Variants in LZTS1 observed in about 807,000 individuals in gnomAD.
LZTS1 encodes the protein leucine zipper putative tumor suppressor 1.
In LZTS1, 31 loss-of-function variants were observed where a neutral mutation model predicts 45.8. That is an observed-to-expected ratio of 0.68 (90% CI 0.51 to 0.91). LZTS1 has a LOEUF of 0.91. LZTS1 is among the 40% of genes least tolerant of loss of function. The pLI is 0.00. For missense variants in LZTS1, 821 were observed against 788.9 expected (o/e 1.04, Z -0.49); for synonymous variants, 359 against 357.3 (o/e 1.00, Z -0.05).
In LZTS1 at chr8:20,253,141, G is replaced by A; in HGVS notation, c.790C>T (p.Gln264Ter). The A allele has an allele frequency of 6.2e-7, 1 of 1,613,056 alleles. No homozygotes were observed. The highest frequency in any genetic ancestry group is 8.5e-7 in the Non-Finnish European group (1 of 1,179,896). The stretch of plus-strand genomic sequence containing the variant: ...TCCAACAGCTTCTGCTCCAGCTCCT[G>A]GATGCTGCACTCGTCCGTGGAGATG... ...SPISTDECSI[Q>*]ELEQKLLERE... The change falls in exon 3 of 4, where the codon CAG (glutamine) becomes TAG (stop). Residue 264 changes from glutamine to a stop codon, truncating the protein, a stop_gained. Coordinates refer to ENST00000381569, the MANE Select transcript of LZTS1 (RefSeq NM_021020.5). LOFTEE classifies it high-confidence loss of function.
At chr8:20,300,745 G>C (rs1399024027) in intron 1 of LZTS1, among the ~76,000 whole-genome samples, 1 of 152,116 alleles carries the variant, frequency 6.6e-6, no homozygotes, top group African/African-American at 2.4e-5. Context: ...ATGATGGTAG[G>C]GACTCTGAGG....
intron 1 of LZTS1, among the ~76,000 whole-genome samples, chr8:20,301,506 C>G (rs1483328955): frequency 1.3e-5 from 2 of 152,162 alleles, no homozygotes; most frequent in Non-Finnish European, 2.9e-5. Flanking sequence ...CATTATTCAT[C>G]TTCCTAGCCT....
chr8:20,273,290 G>T (rs1159496518), intron 1 of LZTS1, among the ~76,000 whole-genome samples: 2 of 152,006 alleles, frequency 1.3e-5, no homozygotes, highest in Admixed American at 6.6e-5. Flanking sequence ...TCTAAATGTG[G>T]ATGCTTTTCA....
At chr8:20,296,676 A>G (rs1800983993) in intron 1 of LZTS1, among the ~76,000 whole-genome samples, 1 of 152,182 alleles carries the variant, frequency 6.6e-6, no homozygotes, top group African/African-American at 2.4e-5. Flanking sequence ...GAGTGGATGA[A>G]TGAAATGGAT....
chr8:20,287,101 C>T (rs983648831), intron 1 of LZTS1, among the ~76,000 whole-genome samples: 1 of 152,220 alleles, frequency 6.6e-6, no homozygotes, highest in Non-Finnish European at 1.5e-5. Context: ...AAAAGATTAT[C>T]ACAATAATCC....
chr8:20,280,973 C>T (rs934554651), intron 1 of LZTS1, among the ~76,000 whole-genome samples: 53 of 152,236 alleles, frequency 3.5e-4, no homozygotes, highest in African/African-American at 1.2e-3. Flanking sequence ...GTTCGCTTAT[C>T]TGTTCTTTCA....
intron 1 of LZTS1, among the ~76,000 whole-genome samples, chr8:20,283,312 T>C (rs900010305): frequency 6.6e-6 from 1 of 152,120 alleles, no homozygotes; most frequent in Non-Finnish European, 1.5e-5. Flanking sequence ...CCCTCATAAA[T>C]GGGATGAGTG....
At chr8:20,294,665 T>G (rs1464002370) in intron 1 of LZTS1, among the ~76,000 whole-genome samples, 1 of 152,080 alleles carries the variant, frequency 6.6e-6, no homozygotes, top group Non-Finnish European at 1.5e-5. Context: ...CCTCCTCCCC[T>G]TGCACTGTGG....
At chr8:20,297,479 A>T (rs2128899768) in intron 1 of LZTS1, among the ~76,000 whole-genome samples, 1 of 152,260 alleles carries the variant, frequency 6.6e-6, no homozygotes, top group Non-Finnish European at 1.5e-5. Context: ...CAGTGGTGCG[A>T]TCTCAGCTCA....
At chr8:20,303,667 G>A in intron 1 of LZTS1, 73 bp downstream of exon 1, 1 of 983,262 alleles carries the variant, frequency 1.0e-6, no homozygotes, top group Non-Finnish European at 1.2e-6. Context: ...GCCCGGCGAG[G>A]GGAAAGCGGT....
rs1484769401 is a variant in LZTS1 at position 20,291,670 on chromosome 8, C to A, written c.-135+12070G>T. 6.0e-5 allele frequency among the ~76,000 whole-genome samples: 9 copies of A among 150,962 alleles called. No homozygotes were observed. The South Asian group carries it at 6.3e-4, about 11-fold the overall frequency. ...AAGTAAAGATTGCCTTGCTGAGAGACCTTTTGTCTCCATGCTGACTTTTCT... is the reference window on the plus strand; with the variant it reads ...AAGTAAAGATTGCCTTGCTGAGAGAACTTTTGTCTCCATGCTGACTTTTCT... On this transcript the variant is annotated intron_variant, in intron 1 of 3. Coordinates refer to ENST00000381569, the MANE Select transcript of LZTS1 (RefSeq NM_021020.5).
chr8:20,288,987 G>GTTTTT lies in LZTS1; in HGVS notation c.-135+14748_-135+14752dup, dbSNP rs59572169. Among the ~76,000 whole-genome samples, 698 of 119,634 alleles carry GTTTTT rather than the reference G, an allele frequency of 5.8e-3. 36 individuals are homozygous for GTTTTT. The highest frequency in any genetic ancestry group is 0.022 in the East Asian group (79 of 3,666). The allele number at this position is 119,634 out of a possible 152,430, so 78.5% of individuals were successfully genotyped here. A position where few individuals can be genotyped will look rare whatever the true frequency, so the allele number is the denominator to read the frequency against. ...ATTAAGAGCTTAAAAATAGCAGCTG[G>GTTTTT]TTTTTTTTTTTTTTTTTTTTAGACA... On this transcript the variant is annotated intron_variant, in intron 1 of 3. Transcript: ENST00000381569.
chr8:20,261,631 T>C (rs1288877669), intron 1 of LZTS1, among the ~76,000 whole-genome samples: 1 of 152,224 alleles, frequency 6.6e-6, no homozygotes, highest in African/African-American at 2.4e-5. Flanking sequence ...CTTTCTGGAA[T>C]GTGGAGAGAG....
chr8:20,273,461 C>T (rs1025220833), intron 1 of LZTS1, among the ~76,000 whole-genome samples: 1 of 152,174 alleles, frequency 6.6e-6, no homozygotes, highest in African/African-American at 2.4e-5. Context: ...ATCTCACCCT[C>T]GCACATCCAC....
intron 1 of LZTS1, among the ~76,000 whole-genome samples, chr8:20,295,525 G>A (rs937991766): frequency 1.3e-5 from 2 of 152,190 alleles, no homozygotes; most frequent in Non-Finnish European, 2.9e-5. Flanking sequence ...TCTGCCATTT[G>A]GGACCGAGCC....
At chr8:20,281,640 A>G (rs1800695887) in intron 1 of LZTS1, among the ~76,000 whole-genome samples, 1 of 152,024 alleles carries the variant, frequency 6.6e-6, no homozygotes, top group Non-Finnish European at 1.5e-5. Flanking sequence ...TCGTTTGCAC[A>G]AGAGCTGGTC....
intron 3 of LZTS1, among the ~76,000 whole-genome samples, chr8:20,251,764 G>T (rs1452467443): frequency 6.6e-6 from 1 of 152,206 alleles, no homozygotes; most frequent in African/African-American, 2.4e-5. Flanking sequence ...GAATTTGTGA[G>T]GTAGTCTTTA....
chr8:20,266,671 C>G (rs544129531), intron 1 of LZTS1, among the ~76,000 whole-genome samples: 15 of 152,236 alleles, frequency 9.9e-5, no homozygotes, highest in African/African-American at 3.6e-4. Context: ...CTATGTACAC[C>G]TAAACAAAAA....
intron 1 of LZTS1, among the ~76,000 whole-genome samples, chr8:20,302,207 G>A (rs141117415): frequency 7.2e-5 from 11 of 152,244 alleles, no homozygotes; most frequent in African/African-American, 1.7e-4. Context: ...GATAACGTAT[G>A]AGATAACGTC....
Sources: allele counts gnomAD v4.1 joint callset (sites outside exome capture counted in the v4.1 genomes callset), GRCh38; gene constraint gnomAD v4.1.1; transcripts MANE v1.5; gene names NCBI Gene and HGNC (gene_info 2026-07-23, HGNC 2026-07-21).